The following BRI3BP variants were observed in gnomAD, a reference collection of about 807,000 sequenced individuals.
BRI3BP encodes the protein BRI3-binding protein.
Under a neutral mutation model 15.8 loss-of-function variants are expected in BRI3BP, and 7 were observed. That is an observed-to-expected ratio of 0.44 (90% CI 0.25 to 0.83). The LOEUF (loss-of-function observed/expected upper bound fraction) is 0.83, where lower values mean the gene tolerates loss of function less well. BRI3BP is among the 40% of genes least tolerant of loss of function. The probability of loss-of-function intolerance (pLI) is 0.20; values close to 1 mark genes in which losing one functional copy is unlikely to be tolerated. For missense variants in BRI3BP, 320 were observed against 339.3 expected (o/e 0.94, Z 0.45); for synonymous variants, 192 against 163.5 (o/e 1.17, Z -1.33).
At position 125,025,154 on chromosome 12, in the gene BRI3BP, C is replaced by A; in HGVS notation, c.480C>A (p.Ile160=). 3 of 1,614,146 alleles carry A rather than the reference C, an allele frequency of 1.9e-6. No individual in the cohort carries two copies. Among genetic ancestry groups the A allele is most frequent in the Non-Finnish European group, 2.5e-6 (3 of 1,180,038 alleles). The part of the protein sequence containing the change: ...LHVVFGRFFW[I]VRVVLFSMSC... ...TGGTGTTCGGCCGCTTCTTCTGGATCGTGCGGGTCGTCCTGTTTTCCATGT... is the reference window on the plus strand; with the variant it reads ...TGGTGTTCGGCCGCTTCTTCTGGATAGTGCGGGTCGTCCTGTTTTCCATGT... The change falls in exon 3 of 3, where the codon ATC becomes ATA. Residue 160 remains isoleucine (I), a synonymous_variant. Coordinates refer to ENST00000341446, the MANE Select transcript of BRI3BP (RefSeq NM_080626.6).
chr12:125,010,496 C>T (rs7961498), intron 1 of BRI3BP, among the ~76,000 whole-genome samples: 21,141 of 151,952 alleles, frequency 0.14, 1,568 homozygotes, highest in Admixed American at 0.17. Flanking sequence ...ATGCTGTAGC[C>T]GGCCAGGCAT....
chr12:125,039,622 G>C, the BRI3BP span, among the ~76,000 whole-genome samples: 362 of 151,124 alleles, frequency 2.4e-3, 2 homozygotes, highest in African/African-American at 8.4e-3. Context: ...TGTGTGAGTT[G>C]TGGAAAATCA....
rs368320969 is a variant in BRI3BP at position 125,030,661 on chromosome 12, A to G, written c.*5231A>G. 6.6e-6 allele frequency: 1 copy of G among 152,186 alleles called. No homozygotes were observed. Among genetic ancestry groups the G allele is most frequent in the East Asian group, 1.9e-4 (1 of 5,202 alleles). The allele number at this position is 152,186 out of a possible 1,614,324, so 9.4% of individuals were successfully genotyped here. A position where few individuals can be genotyped will look rare whatever the true frequency, so the allele number is the denominator to read the frequency against. ...CATGTGTTCTCATGTCTTTTTGCAG[A>G]TTTAAAGGTTTTATTGTAGTGTCCA... is the stretch of plus-strand genomic sequence containing the variant. On this transcript the variant is annotated 3_prime_UTR_variant, in exon 3 of 3. Transcript: ENST00000341446.
At chr12:125,034,207 C>T (rs537071203), downstream of BRI3BP, among the ~76,000 whole-genome samples, 75 of 151,744 alleles carry the variant, frequency 4.9e-4, no homozygotes, top group Non-Finnish European at 7.8e-4. Flanking sequence ...CCACCACACC[C>T]AGCTAATTTT....
At chr12:125,019,634 C>CT (rs1565906073) in intron 2 of BRI3BP, among the ~76,000 whole-genome samples, 3 of 45,542 alleles carry the variant, frequency 6.6e-5, no homozygotes, top group African/African-American at 1.2e-4. Context: ...TTAATTCCAC[C>CT]CTTTTTTTTT....
chr12:125,038,064 G>T, the BRI3BP span, among the ~76,000 whole-genome samples: 1 of 150,582 alleles, frequency 6.6e-6, no homozygotes, highest in Admixed American at 6.6e-5. Flanking sequence ...AGGCCAAGGT[G>T]AGTGGATCAC....
chr12:125,007,143 G>A (rs1295512014), intron 1 of BRI3BP, among the ~76,000 whole-genome samples: 2 of 152,136 alleles, frequency 1.3e-5, no homozygotes, highest in African/African-American at 2.4e-5. Flanking sequence ...AGGTTGCAGT[G>A]AGCCGAGGTC....
At chr12:125,050,668 G>A in the BRI3BP span, among the ~76,000 whole-genome samples, 6 of 152,238 alleles carry the variant, frequency 3.9e-5, no homozygotes, top group Non-Finnish European at 1.5e-5. Context: ...GCTTGCTCTT[G>A]GAGGCACATA....
intron 1 of BRI3BP, among the ~76,000 whole-genome samples, chr12:125,011,251 C>G (rs968381007): frequency 9.9e-5 from 15 of 152,216 alleles, no homozygotes; most frequent in African/African-American, 3.1e-4. Context: ...CTTGGTCAGC[C>G]CTTACAAGGG....
At chr12:125,018,017 G>A (rs568715776) in intron 2 of BRI3BP, among the ~76,000 whole-genome samples, 15 of 152,090 alleles carry the variant, frequency 9.9e-5, no homozygotes, top group Non-Finnish European at 1.9e-4. Flanking sequence ...ATGGCGCCCA[G>A]CCCATGGTCG....
intron 1 of BRI3BP, among the ~76,000 whole-genome samples, chr12:125,009,907 G>T (rs928027131): frequency 6.6e-6 from 1 of 152,130 alleles, no homozygotes; most frequent in Non-Finnish European, 1.5e-5. Flanking sequence ...TTCGAGACCA[G>T]CCTGGCCAGC....
chr12:125,021,032 C>T (rs752083714), intron 2 of BRI3BP, among the ~76,000 whole-genome samples: 10 of 152,180 alleles, frequency 6.6e-5, no homozygotes, highest in African/African-American at 1.2e-4. Context: ...AGAGTGCAAA[C>T]GGTCTTGAGA....
At chr12:125,002,454 T>G (rs918757684) in intron 1 of BRI3BP, among the ~76,000 whole-genome samples, 25 of 138,818 alleles carry the variant, frequency 1.8e-4, no homozygotes, top group Admixed American at 5.6e-4. Context: ...GTTTTTTTTT[T>G]TGTTTTGTTT....
the BRI3BP span, among the ~76,000 whole-genome samples, chr12:125,050,272 C>T: frequency 6.6e-6 from 1 of 151,864 alleles, no homozygotes; most frequent in South Asian, 2.1e-4. Context: ...ATCGCTTAAA[C>T]CCGGGAGGCA....
At chr12:125,038,970 A>G in the BRI3BP span, among the ~76,000 whole-genome samples, 2 of 151,588 alleles carry the variant, frequency 1.3e-5, no homozygotes, top group African/African-American at 2.4e-5. Flanking sequence ...GGCGCCTGTA[A>G]TCCCAGCTAC....
intron 1 of BRI3BP, among the ~76,000 whole-genome samples, chr12:124,994,511 A>G (rs1218319790): frequency 1.3e-5 from 2 of 152,102 alleles, no homozygotes; most frequent in African/African-American, 4.8e-5. Flanking sequence ...TTACAGGAAA[A>G]GAAGGGAGCA....
intron 1 of BRI3BP, among the ~76,000 whole-genome samples, chr12:125,009,512 A>T (rs906828374): frequency 1.3e-5 from 2 of 149,046 alleles, no homozygotes; most frequent in Non-Finnish European, 3.0e-5. Flanking sequence ...CTGGTCTTGA[A>T]CTCCTGGCCT....
chr12:125,047,153 CT>C, the BRI3BP span, among the ~76,000 whole-genome samples: 57 of 146,894 alleles, frequency 3.9e-4, no homozygotes, highest in Admixed American at 4.8e-4. Flanking sequence ...TTTCTTTACT[CT>C]TTTTTTTTTT....
chr12:125,021,069 A>C (rs969076342), intron 2 of BRI3BP, among the ~76,000 whole-genome samples: 2 of 152,204 alleles, frequency 1.3e-5, no homozygotes, highest in Non-Finnish European at 2.9e-5. Flanking sequence ...ACACTGGTTT[A>C]GCCTCCAGTC....
Sources: allele counts gnomAD v4.1 joint callset (sites outside exome capture counted in the v4.1 genomes callset), GRCh38; gene constraint gnomAD v4.1.1; transcripts MANE v1.5; gene names NCBI Gene and HGNC (gene_info 2026-07-23, HGNC 2026-07-21).